The following GRIP1 variants were observed in gnomAD, a reference collection of about 807,000 sequenced individuals.
The protein encoded by GRIP1 is glutamate receptor-interacting protein 1.
GRIP1 carries 45 observed loss-of-function variants against 129.9 expected under a neutral mutation model. The observed-to-expected ratio is 0.35, with a 90% confidence interval of 0.27 to 0.44. GRIP1 has a LOEUF of 0.44. Ranked by LOEUF, GRIP1 falls within the 20% of genes least tolerant of loss-of-function variation. The pLI, the probability that GRIP1 is intolerant of heterozygous loss-of-function variation, is 1.00. For synonymous variants in GRIP1, 530 were observed against 520.8 expected (o/e 1.02, Z -0.24); for missense variants, 1,196 against 1,396.8 (o/e 0.86, Z 2.29).
At chr12:66,908,023 C>T (rs1566074006) in intron 1 of GRIP1, among the ~76,000 whole-genome samples, 1 of 152,192 alleles carries the variant, frequency 6.6e-6, no homozygotes, top group South Asian at 2.1e-4. Flanking sequence ...TATTATTTTT[C>T]CAAAGAAGTA....
chr12:67,054,882 T>G (rs1196238169), intron 1 of GRIP1, among the ~76,000 whole-genome samples: 1 of 151,678 alleles, frequency 6.6e-6, no homozygotes, highest in Non-Finnish European at 1.5e-5. Flanking sequence ...AAAAGCAGCA[T>G]AATGTGATAG....
intron 2 of GRIP1, among the ~76,000 whole-genome samples, chr12:66,573,088 T>C (rs1387488844): frequency 3.9e-5 from 3 of 77,386 alleles, no homozygotes; most frequent in African/African-American, 1.2e-4. Context: ...ATATATGTTG[T>C]ATATATGTCG....
intron 23 of GRIP1, among the ~76,000 whole-genome samples, chr12:66,369,214 A>C (rs1238508025): frequency 6.6e-6 from 1 of 152,154 alleles, no homozygotes; most frequent in African/African-American, 2.4e-5. Context: ...AATTTGGCTC[A>C]TGCGTGTCTG....
At chr12:66,903,670 A>G (rs901068613) in intron 1 of GRIP1, among the ~76,000 whole-genome samples, 3 of 152,338 alleles carry the variant, frequency 2.0e-5, no homozygotes, top group South Asian at 2.1e-4. Flanking sequence ...TTTTCTCTTT[A>G]AAGTCTATTT....
intron 1 of GRIP1, among the ~76,000 whole-genome samples, chr12:67,019,961 A>G (rs1389542949): frequency 6.6e-6 from 1 of 152,042 alleles, no homozygotes; most frequent in African/African-American, 2.4e-5. Flanking sequence ...TAACAACCAT[A>G]CTCTTGAACT....
At position 66,392,667 on chromosome 12, in the gene GRIP1, C is replaced by T; in HGVS notation, c.2269+10G>A. The T allele has an allele frequency of 6.2e-7, 1 of 1,613,880 alleles. No homozygotes were observed. The highest frequency in any genetic ancestry group is 8.5e-7 in the Non-Finnish European group (1 of 1,179,768). Reference sequence around the variant, plus strand: ...AAATCCTTAATTGTGGCTTTCAATTCACTACTCACCATCTGTCTGTTTCTT... The same window carrying T: ...AAATCCTTAATTGTGGCTTTCAATTTACTACTCACCATCTGTCTGTTTCTT... On this transcript the variant is annotated intron_variant, in intron 18 of 24. Coordinates refer to ENST00000359742, the MANE Select transcript of GRIP1 (RefSeq NM_001366722.1).
chr12:66,589,214 CTCTCTCTCTCTCTGTCTGTCTG>C (rs2063759997), intron 2 of GRIP1, among the ~76,000 whole-genome samples: 1 of 145,642 alleles, frequency 6.9e-6, no homozygotes, highest in South Asian at 2.3e-4. Context: ...CTCTCTCTCT[CTCTCTCTCTCTCTGTCTGTCTG>C]TCTCTCTCTC....
intron 15 of GRIP1, among the ~76,000 whole-genome samples, chr12:66,412,813 T>A (rs1395405265): frequency 6.6e-6 from 1 of 151,966 alleles, no homozygotes; most frequent in East Asian, 1.9e-4. Context: ...AATGAAAAAC[T>A]GACAAAAGCA....
At chr12:66,715,248 G>A (rs1264420400) in intron 1 of GRIP1, among the ~76,000 whole-genome samples, 1 of 151,918 alleles carries the variant, frequency 6.6e-6, no homozygotes, top group African/African-American at 2.4e-5. Context: ...ATTTGGCCCT[G>A]CCCCCTTGGA....
rs750696929 is a variant in GRIP1 at position 66,349,191 on chromosome 12, G to A, written c.3215C>T (p.Ala1072Val). Residue 1072 changes from alanine to valine, a missense_variant, in exon 25 of 25, where the codon GCA (alanine) becomes GTA (valine). Physicochemically the swap from Ala to Val is moderately conservative, Grantham distance 64. This residue lies in a region of GRIP1 where 427 missense variants were observed against 463.3 expected (regional missense o/e 0.92). Transcript: ENST00000359742. ...FDCCLVVPLIAESGNKLDLVI... is the reference protein window; with the variant it reads ...FDCCLVVPLIVESGNKLDLVI... ...CAGGTCCAGCTTATTCCCGGATTCTGCTATGAGGGGCACAACAAGGCAGCA... is the reference window on the plus strand; with the variant it reads ...CAGGTCCAGCTTATTCCCGGATTCTACTATGAGGGGCACAACAAGGCAGCA... The A allele has an allele frequency of 3.7e-6, 6 of 1,613,988 alleles. No homozygotes were observed. The highest frequency in any genetic ancestry group is 5.1e-6 in the Non-Finnish European group (6 of 1,180,018).
At chr12:66,539,341 A>G in intron 3 of GRIP1, 118 bp from the exon 4 acceptor site, 1 of 1,322,028 alleles carries the variant, frequency 7.6e-7, no homozygotes, top group Non-Finnish European at 1.1e-6. Context: ...TAGAAGGCTG[A>G]CAGCAGAAGT....
chr12:66,558,236 G>A (rs941879290), intron 2 of GRIP1, among the ~76,000 whole-genome samples: 19 of 152,082 alleles, frequency 1.2e-4, no homozygotes, highest in African/African-American at 4.6e-4. Flanking sequence ...GAGGTTTAAT[G>A]GACTCACAGT....
At chr12:66,708,445 TTTG>T (rs2035608456) in intron 1 of GRIP1, among the ~76,000 whole-genome samples, 2 of 152,100 alleles carry the variant, frequency 1.3e-5, no homozygotes, top group South Asian at 4.1e-4. Flanking sequence ...AGAATTATAT[TTTG>T]TTAGTTCACT....
chr12:66,348,423 T>C lies in GRIP1; in HGVS notation c.*596A>G, dbSNP rs1180268892. 5 of 156,190 alleles carry C rather than the reference T, an allele frequency of 3.2e-5. No individual in the cohort carries two copies. Among genetic ancestry groups the C allele is most frequent in the African/African-American group, 1.2e-4 (5 of 41,464 alleles). 9.7% of individuals were successfully genotyped at this position (156,190 alleles called of 1,614,324 possible). A position where few individuals can be genotyped will look rare whatever the true frequency, so the allele number is the denominator to read the frequency against. The stretch of plus-strand genomic sequence containing the variant: ...CATACATCTTAGTTAAAATCATTCC[T>C]ATACGTGGGCAAAACATTTACCACC... On this transcript the variant is annotated 3_prime_UTR_variant, in exon 25 of 25. Coordinates refer to ENST00000359742, the MANE Select transcript of GRIP1 (RefSeq NM_001366722.1).
chr12:66,473,705 A>G (rs908083020), intron 7 of GRIP1, among the ~76,000 whole-genome samples: 12 of 152,226 alleles, frequency 7.9e-5, no homozygotes, highest in African/African-American at 2.9e-4. Context: ...TGCAGTGGAC[A>G]TCCAGCAAAC....
intron 1 of GRIP1, among the ~76,000 whole-genome samples, chr12:66,893,435 A>C (rs1224666023): frequency 6.6e-6 from 1 of 152,024 alleles, no homozygotes; most frequent in Non-Finnish European, 1.5e-5. Context: ...ATGGGGTCTC[A>C]CCATGTTGCC....
chr12:66,863,254 A>T (rs1378512759), intron 1 of GRIP1, among the ~76,000 whole-genome samples: 1 of 152,190 alleles, frequency 6.6e-6, no homozygotes, highest in African/African-American at 2.4e-5. Context: ...GCAAGTATCT[A>T]TTAAAGCCAA....
chr12:66,547,822 A>G (rs1004321793), intron 2 of GRIP1, among the ~76,000 whole-genome samples: 1 of 152,154 alleles, frequency 6.6e-6, no homozygotes, highest in African/African-American at 2.4e-5. Flanking sequence ...CCTTGTGGTG[A>G]TGGATATGTT....
At chr12:66,455,610 G>A in intron 10 of GRIP1, 46 bp from the exon 11 acceptor site, 1 of 1,576,802 alleles carries the variant, frequency 6.3e-7, no homozygotes. Flanking sequence ...CAGGTGAGGT[G>A]TGAGCCCGCC....
Sources: gnomAD v4.1 joint callset for allele counts (sites outside exome capture counted in the v4.1 genomes callset) on GRCh38, gnomAD v4.1.1 for gene constraint, gnomAD v4.1.1 regional missense constraint, MANE v1.5 for transcripts, NCBI Gene and HGNC (gene_info 2026-07-23, HGNC 2026-07-21) for gene names.